Variants in CCDC171 observed in about 807,000 individuals in gnomAD.
The protein encoded by CCDC171 is coiled-coil domain containing 171.
In CCDC171, 177 loss-of-function variants were observed where a neutral mutation model predicts 168.2. That is an observed-to-expected ratio of 1.05 (90% CI 0.93 to 1.19). The LOEUF is 1.19. Ranked by LOEUF, CCDC171 falls within the 50% of genes most tolerant of loss-of-function variation. The probability of loss-of-function intolerance (pLI) is 0.00; values close to 1 mark genes in which losing one functional copy is unlikely to be tolerated. For synonymous variants in CCDC171, 687 were observed against 540.8 expected (o/e 1.27, Z -3.75); for missense variants, 1,991 against 1,539.0 (o/e 1.29, Z -4.91).
intron 21 of CCDC171, among the ~76,000 whole-genome samples, chr9:15,842,888 A>G (rs1456800461): frequency 6.6e-6 from 1 of 151,938 alleles, no homozygotes; most frequent in Non-Finnish European, 1.5e-5. Flanking sequence ...CACTAGTAAT[A>G]CATGCTTATT....
chr9:15,563,122 A>T (rs1316946162), intron 1 of CCDC171, among the ~76,000 whole-genome samples: 1 of 149,248 alleles, frequency 6.7e-6, no homozygotes, highest in African/African-American at 2.5e-5. Flanking sequence ...TAACTATGTG[A>T]CTTTTTCAAG....
intron 24 of CCDC171, among the ~76,000 whole-genome samples, chr9:15,907,519 A>T (rs1423929026): frequency 6.6e-6 from 1 of 152,254 alleles, no homozygotes; most frequent in Admixed American, 6.5e-5. Flanking sequence ...AAGATGGATT[A>T]AAGACTTAAA....
intron 18 of CCDC171, among the ~76,000 whole-genome samples, chr9:15,747,675 A>G (rs566729665): frequency 2.0e-5 from 3 of 152,344 alleles, no homozygotes; most frequent in African/African-American, 7.2e-5. Flanking sequence ...TAGAAGGAAA[A>G]CTAACAGACA....
intron 25 of CCDC171, among the ~76,000 whole-genome samples, chr9:15,947,072 A>C (rs1828489293): frequency 6.6e-6 from 1 of 152,028 alleles, no homozygotes; most frequent in Non-Finnish European, 1.5e-5. Flanking sequence ...TAACAAGTCA[A>C]ACTAAGTTGG....
intron 7 of CCDC171, among the ~76,000 whole-genome samples, chr9:15,637,532 A>T (rs2046290483): frequency 6.6e-6 from 1 of 151,504 alleles, no homozygotes; most frequent in African/African-American, 2.4e-5. Flanking sequence ...GGTTAGTTAC[A>T]TATGTATACA....
At chr9:16,067,627 A>G in the CCDC171 span, among the ~76,000 whole-genome samples, 4 of 152,166 alleles carry the variant, frequency 2.6e-5, no homozygotes, top group Non-Finnish European at 5.9e-5. Context: ...TCCATCTTGA[A>G]TTAATTTTTG....
chr9:15,828,983 T>C (rs992072861), intron 21 of CCDC171, among the ~76,000 whole-genome samples: 2 of 152,250 alleles, frequency 1.3e-5, no homozygotes, highest in African/African-American at 4.8e-5. Context: ...GCTAGGAGAA[T>C]GGTGAGTCCA....
At chr9:15,922,055 C>A in intron 25 of CCDC171, 1 of 222,606 alleles carries the variant, frequency 4.5e-6, no homozygotes, top group South Asian at 5.9e-5. Context: ...ATATACTTCA[C>A]AATCATACCA....
intron 3 of CCDC171, among the ~76,000 whole-genome samples, chr9:15,572,373 G>A (rs1182925302): frequency 1.3e-5 from 2 of 151,996 alleles, no homozygotes; most frequent in Non-Finnish European, 2.9e-5. Context: ...AGGCCACCTG[G>A]TATAGTGGGA....
the CCDC171 span, among the ~76,000 whole-genome samples, chr9:16,075,623 C>A: frequency 1.8e-4 from 27 of 152,102 alleles, no homozygotes; most frequent in Non-Finnish European, 2.6e-4. Context: ...AGGGTAAGCT[C>A]CAAGACATGG....
At chr9:15,949,553 T>C (rs1828861790) in intron 25 of CCDC171, among the ~76,000 whole-genome samples, 1 of 151,872 alleles carries the variant, frequency 6.6e-6, no homozygotes, top group Non-Finnish European at 1.5e-5. Context: ...AGGTATTTTA[T>C]TCTCTTTGAA....
intron 1 of CCDC171, among the ~76,000 whole-genome samples, chr9:16,055,728 C>T (rs1477012902): frequency 1.3e-5 from 2 of 152,212 alleles, no homozygotes; most frequent in East Asian, 3.8e-4. Flanking sequence ...TGGGAGATGA[C>T]ACACATGTGC....
At chr9:16,085,515 T>G in the CCDC171 span, among the ~76,000 whole-genome samples, 4 of 152,208 alleles carry the variant, frequency 2.6e-5, no homozygotes, top group Non-Finnish European at 4.4e-5. Context: ...CTGCAGCCAG[T>G]GACTGAACAC....
intron 25 of CCDC171, among the ~76,000 whole-genome samples, chr9:15,925,468 C>T (rs1387356609): frequency 1.3e-5 from 2 of 149,182 alleles, no homozygotes; most frequent in African/African-American, 4.9e-5. Flanking sequence ...GAGAAAAGGG[C>T]AGAGGTCAGA....
chr9:15,599,932 G>A (rs1291193045), intron 6 of CCDC171, among the ~76,000 whole-genome samples: 2 of 151,896 alleles, frequency 1.3e-5, no homozygotes, highest in African/African-American at 4.8e-5. Context: ...TCTTCCAGTT[G>A]ATCGAATCGG....
At position 15,907,355 on chromosome 9, in the gene CCDC171, A is replaced by G. The variant is rs558864205; in HGVS notation, c.3601-12915A>G. Among the ~76,000 whole-genome samples, 1,167 of 152,344 alleles carry G rather than the reference A, an allele frequency of 7.7e-3. 16 individuals carry two copies. The highest frequency in any genetic ancestry group is 0.027 in the African/African-American group (1,130 of 41,580). ...ACAGAGCCCTCAGAAATAATGCTGC[A>G]TATCTACAACCATCTGATCTTTGAC... On this transcript the variant is annotated intron_variant, in intron 24 of 25. Coordinates refer to ENST00000380701, the MANE Select transcript of CCDC171 (RefSeq NM_173550.4).
intron 11 of CCDC171, among the ~76,000 whole-genome samples, chr9:15,708,687 T>C (rs934544466): frequency 2.6e-5 from 4 of 151,854 alleles, no homozygotes; most frequent in Admixed American, 2.0e-4. Context: ...AAAAAAAACA[T>C]TGGTAGCAGT....
chr9:16,056,779 T>C (rs554417893), intron 1 of CCDC171, among the ~76,000 whole-genome samples: 1 of 152,334 alleles, frequency 6.6e-6, no homozygotes, highest in South Asian at 2.1e-4. Flanking sequence ...TGAGCCACTG[T>C]GGCCGGCCCT....
chr9:15,675,537 T>C lies in CCDC171; in HGVS notation c.1077-3221T>C, dbSNP rs187508238. Reference sequence around the variant, plus strand: ...AGTTGTTCCTTTCCATGTTTAGTGCTTTCTTCAGGAGCTCTTGTAAGGCAG... The same window carrying C: ...AGTTGTTCCTTTCCATGTTTAGTGCCTTCTTCAGGAGCTCTTGTAAGGCAG... On this transcript the variant is annotated intron_variant, in intron 9 of 25. Coordinates refer to ENST00000380701, the MANE Select transcript of CCDC171 (RefSeq NM_173550.4). 2.1e-4 allele frequency among the ~76,000 whole-genome samples: 32 copies of C among 152,302 alleles called. No individual in the cohort carries two copies. In the East Asian group the frequency reaches 6.0e-3, roughly 28 times the overall value.
Sources: allele counts gnomAD v4.1 joint callset (sites outside exome capture counted in the v4.1 genomes callset), GRCh38; gene constraint gnomAD v4.1.1; transcripts MANE v1.5; gene names NCBI Gene and HGNC (gene_info 2026-07-23, HGNC 2026-07-21).